NRG3: variants seen among roughly 807,000 people sequenced by gnomAD.
NRG3 encodes the protein neuregulin 3.
Under a neutral mutation model 66.9 loss-of-function variants are expected in NRG3, and 31 were observed. The observed-to-expected ratio is 0.46, with a 90% CI of 0.35 to 0.63. NRG3 has a LOEUF of 0.63. Ranked by LOEUF, NRG3 falls within the 20% of genes least tolerant of loss-of-function variation. The pLI, the probability that NRG3 is intolerant of heterozygous loss-of-function variation, is 0.00. For missense variants in NRG3, 910 were observed against 878.9 expected (o/e 1.04, Z -0.45); for synonymous variants, 393 against 359.4 (o/e 1.09, Z -1.06).
chr10:82,641,809 AAAG>A (rs2050603125), intron 2 of NRG3, among the ~76,000 whole-genome samples: 1 of 152,150 alleles, frequency 6.6e-6, no homozygotes, highest in Non-Finnish European at 1.5e-5. Context: ...AAATAGAAGG[AAAG>A]AAGAAGGTTT....
In NRG3 at chr10:82,126,843, A is replaced by G. The variant is rs2068478031; in HGVS notation, c.824-231896A>G. ...CATAAGTGCTAGACTACCAGCAGCA[A>G]AGGGAGGCCTATTTTGCTGGTTCAT... On this transcript the variant is annotated intron_variant, in intron 1 of 8. Transcript: ENST00000372141. Among the ~76,000 whole-genome samples, 8 of 152,016 alleles carry G rather than the reference A, an allele frequency of 5.3e-5. No homozygotes were observed. In the South Asian group the frequency reaches 1.7e-3, roughly 32 times the overall value.
intron 1 of NRG3, among the ~76,000 whole-genome samples, chr10:82,186,707 T>C (rs1332488627): frequency 6.6e-6 from 1 of 152,184 alleles, no homozygotes; most frequent in African/African-American, 2.4e-5. Flanking sequence ...ATCACGAGAT[T>C]GATCCATATT....
intron 4 of NRG3, among the ~76,000 whole-genome samples, chr10:82,909,689 A>C (rs1005677117): frequency 6.6e-6 from 1 of 152,178 alleles, no homozygotes; most frequent in Admixed American, 6.5e-5. Flanking sequence ...TACTCACTGA[A>C]GTTTTTGGCT....
chr10:82,156,039 C>G (rs1335741487), intron 1 of NRG3, among the ~76,000 whole-genome samples: 1 of 151,482 alleles, frequency 6.6e-6, no homozygotes, highest in Admixed American at 6.6e-5. Context: ...AGTGTTGAGG[C>G]AGAGATGTTC....
At chr10:82,816,022 C>T (rs1047935183) in intron 3 of NRG3, among the ~76,000 whole-genome samples, 5 of 152,162 alleles carry the variant, frequency 3.3e-5, no homozygotes, top group African/African-American at 9.7e-5. Context: ...TGCATCTGGA[C>T]GAGAGGAACA....
chr10:82,505,247 G>A (rs1045355112), intron 2 of NRG3, among the ~76,000 whole-genome samples: 12 of 152,210 alleles, frequency 7.9e-5, no homozygotes, highest in African/African-American at 2.9e-4. Context: ...TACAAGAGTA[G>A]AAAGAATCCT....
In NRG3 at chr10:82,110,575, A is replaced by G. The variant is rs77494983; in HGVS notation, c.823+234412A>G. On this transcript the variant is annotated intron_variant, in intron 1 of 8. Coordinates refer to ENST00000372141, the MANE Select transcript of NRG3 (RefSeq NM_001010848.4). ...CTTGGACCAAAGTGGTAAAGGTGTCAGGGAGGAAAGTAGTCAGATATTAAT... is the reference window on the plus strand; with the variant it reads ...CTTGGACCAAAGTGGTAAAGGTGTCGGGGAGGAAAGTAGTCAGATATTAAT... 1.1e-3 allele frequency among the ~76,000 whole-genome samples: 171 copies of G among 151,988 alleles called. 2 individuals are homozygous for G. In the East Asian group the frequency reaches 0.03, roughly 26 times the overall value.
chr10:82,121,078 G>A (rs2068061472), intron 1 of NRG3, among the ~76,000 whole-genome samples: 1 of 152,048 alleles, frequency 6.6e-6, no homozygotes, highest in African/African-American at 2.4e-5. Context: ...TTACTCTACA[G>A]ACAGTTCCAA....
intron 5 of NRG3, among the ~76,000 whole-genome samples, chr10:82,956,693 T>A (rs1850081503): frequency 6.6e-6 from 1 of 151,996 alleles, no homozygotes; most frequent in South Asian, 2.1e-4. Flanking sequence ...ATCCTTGCTC[T>A]GAGACATGCA....
At chr10:82,365,361 C>A in intron 2 of NRG3, among the ~76,000 whole-genome samples, 1 of 152,168 alleles carries the variant, frequency 6.6e-6, no homozygotes, top group East Asian at 1.9e-4. Context: ...GGTGAAGAAC[C>A]TTAGAAGAAT....
intron 3 of NRG3, among the ~76,000 whole-genome samples, chr10:82,779,975 G>A (rs1433688750): frequency 6.7e-6 from 1 of 148,288 alleles, no homozygotes; most frequent in African/African-American, 2.5e-5. Flanking sequence ...TGTGGTGTTT[G>A]GTTTTCTGTT....
At chr10:82,149,952 T>A (rs7919172) in intron 1 of NRG3, among the ~76,000 whole-genome samples, 17,929 of 151,934 alleles carry the variant, frequency 0.12, 1,774 homozygotes, top group African/African-American at 0.26. Context: ...AATGAGGAAA[T>A]CTCCACCCTG....
At chr10:82,000,098 T>TAAC (rs1406444095) in intron 1 of NRG3, among the ~76,000 whole-genome samples, 2 of 152,230 alleles carry the variant, frequency 1.3e-5, no homozygotes, top group Admixed American at 6.5e-5. Flanking sequence ...TTTTAGTTCC[T>TAAC]AATGAGCTAA....
chr10:82,431,257 G>GT (rs1474874779), intron 2 of NRG3, among the ~76,000 whole-genome samples: 10 of 152,078 alleles, frequency 6.6e-5, no homozygotes, highest in Admixed American at 5.2e-4. Flanking sequence ...AGATCAACTA[G>GT]TAACAGTTCT....
intron 1 of NRG3, among the ~76,000 whole-genome samples, chr10:82,319,238 T>C (rs940198910): frequency 6.6e-6 from 1 of 152,342 alleles, no homozygotes; most frequent in East Asian, 1.9e-4. Flanking sequence ...CTTGGTTACA[T>C]CTTCCCATCT....
At chr10:82,460,117 C>A (rs2091445551) in intron 2 of NRG3, among the ~76,000 whole-genome samples, 1 of 152,162 alleles carries the variant, frequency 6.6e-6, no homozygotes, top group South Asian at 2.1e-4. Flanking sequence ...CCATTACATT[C>A]TCTTTCTCCA....
chr10:82,148,054 T>G (rs1027647984), intron 1 of NRG3, among the ~76,000 whole-genome samples: 7 of 152,354 alleles, frequency 4.6e-5, no homozygotes, highest in Middle Eastern at 3.4e-3. Context: ...ATTCATTTCC[T>G]TATAGCTTTT....
At chr10:82,319,516 T>C (rs2081455901) in intron 1 of NRG3, among the ~76,000 whole-genome samples, 2 of 152,228 alleles carry the variant, frequency 1.3e-5, no homozygotes, top group Admixed American at 1.3e-4. Flanking sequence ...GTGTTGCTTT[T>C]CTTCTAAATT....
chr10:82,890,032 T>A (rs1237825236), intron 4 of NRG3, among the ~76,000 whole-genome samples: 11 of 152,066 alleles, frequency 7.2e-5, no homozygotes. Flanking sequence ...AGAAAGCCAA[T>A]ACTCTAAGTG....
Sources: gnomAD v4.1 joint callset for allele counts (sites outside exome capture counted in the v4.1 genomes callset) on GRCh38, gnomAD v4.1.1 for gene constraint, MANE v1.5 for transcripts, NCBI Gene and HGNC (gene_info 2026-07-23, HGNC 2026-07-21) for gene names.